The following AGBL3 variants were observed in gnomAD, a reference collection of about 807,000 sequenced individuals.
The protein encoded by AGBL3 is cytosolic carboxypeptidase 3.
AGBL3 carries 68 observed loss-of-function variants against 94.5 expected under a neutral mutation model. The ratio of observed to expected loss-of-function variants is 0.72; its 90% CI spans 0.59 to 0.88. The LOEUF (loss-of-function observed/expected upper bound fraction) is 0.88. AGBL3 is among the 40% of genes least tolerant of loss of function. The pLI, the probability that AGBL3 is intolerant of heterozygous loss-of-function variation, is 0.00. For missense variants in AGBL3, 934 were observed against 1,103.8 expected (o/e 0.85, Z 2.18); for synonymous variants, 354 against 370.7 (o/e 0.95, Z 0.52).
At chr7:135,041,859 G>A (rs1237278351) in intron 8 of AGBL3, among the ~76,000 whole-genome samples, 1 of 152,060 alleles carries the variant, frequency 6.6e-6, no homozygotes, top group African/African-American at 2.4e-5. Flanking sequence ...ATTAAAAATG[G>A]CAATAATCTT....
intron 5 of AGBL3, among the ~76,000 whole-genome samples, chr7:135,017,663 G>A (rs1813961553): frequency 6.6e-6 from 1 of 151,876 alleles, no homozygotes; most frequent in Admixed American, 6.6e-5. Flanking sequence ...CCAGCATAAG[G>A]AAGTATAGAC....
intron 16 of AGBL3, among the ~76,000 whole-genome samples, chr7:135,120,994 G>A (rs535349299): frequency 2.0e-5 from 3 of 152,152 alleles, no homozygotes; most frequent in Admixed American, 6.5e-5. Context: ...ACCTGAGGTC[G>A]GGAGTTTGAG....
intron 5 of AGBL3, among the ~76,000 whole-genome samples, chr7:135,030,735 A>G (rs888967067): frequency 2.0e-5 from 3 of 151,868 alleles, no homozygotes; most frequent in Non-Finnish European, 4.4e-5. Flanking sequence ...ACGTCCCCCC[A>G]TGTCACTGGA....
chr7:135,056,214 T>C (rs902199036), intron 11 of AGBL3, among the ~76,000 whole-genome samples: 2 of 152,116 alleles, frequency 1.3e-5, no homozygotes, highest in Admixed American at 6.5e-5. Context: ...AGCAGCATTG[T>C]GTTCATTGAT....
At position 134,994,980 on chromosome 7, in the gene AGBL3, C is replaced by T. The variant is rs915054280; in HGVS notation, c.310+1302C>T. ...CATCCCCACCTCTCCTCTGCTACCA[C>T]CCCCTCCAACCTCATTTTTCCTACA... is the stretch of plus-strand genomic sequence containing the variant. On this transcript the variant is annotated intron_variant, in intron 4 of 16. Coordinates refer to ENST00000436302, the MANE Select transcript of AGBL3 (RefSeq NM_178563.4). Among the ~76,000 whole-genome samples, 18 of 152,240 alleles carry T rather than the reference C, an allele frequency of 1.2e-4. No homozygotes were observed. The East Asian group carries it at 2.9e-3, about 25-fold the overall frequency.
chr7:135,017,034 T>G lies in AGBL3; in HGVS notation c.311-18T>G. 1 of 1,444,582 alleles carries G rather than the reference T, an allele frequency of 6.9e-7. No homozygotes were observed. The highest frequency in any genetic ancestry group is 9.5e-7 in the Non-Finnish European group (1 of 1,053,802). 89.5% of individuals were successfully genotyped at this position (1,444,582 alleles called of 1,614,324 possible). On this transcript the variant is annotated intron_variant, in intron 4 of 16. Coordinates refer to ENST00000436302, the MANE Select transcript of AGBL3 (RefSeq NM_178563.4). Reference sequence around the variant, plus strand: ...ATTTTGAAGTCATCTTCAAATAATGTTTCACTTTTTTTTCCAGATTGGACT... The same window carrying G: ...ATTTTGAAGTCATCTTCAAATAATGGTTCACTTTTTTTTCCAGATTGGACT...
At chr7:135,111,480 A>C (rs1825631375) in intron 15 of AGBL3, among the ~76,000 whole-genome samples, 1 of 152,232 alleles carries the variant, frequency 6.6e-6, no homozygotes, top group Admixed American at 6.5e-5. Flanking sequence ...ATTTCACAAT[A>C]GCTATTGTGC....
chr7:135,111,123 C>G (rs1410795885), intron 15 of AGBL3, among the ~76,000 whole-genome samples: 1 of 152,094 alleles, frequency 6.6e-6, no homozygotes, highest in African/African-American at 2.4e-5. Flanking sequence ...AAACAAAAAC[C>G]AGAGAGGCCA....
chr7:135,087,138 T>C (rs1427710793), intron 15 of AGBL3, among the ~76,000 whole-genome samples: 1 of 151,986 alleles, frequency 6.6e-6, no homozygotes, highest in African/African-American at 2.4e-5. Flanking sequence ...GGAGTACAGT[T>C]GTTTGTAATG....
chr7:135,105,949 C>T (rs10233546), intron 15 of AGBL3, among the ~76,000 whole-genome samples: 3,622 of 152,142 alleles, frequency 0.024, 149 homozygotes, highest in African/African-American at 0.081. Flanking sequence ...AGAGATCTTT[C>T]ACCTCCCTAG....
At chr7:134,996,262 TA>T (rs1810997814) in intron 4 of AGBL3, among the ~76,000 whole-genome samples, 5 of 152,256 alleles carry the variant, frequency 3.3e-5, no homozygotes, top group Non-Finnish European at 5.9e-5. Flanking sequence ...TGATGCATCT[TA>T]GCTTCAGAAA....
chr7:135,048,872 T>G (rs1440474906), intron 11 of AGBL3, among the ~76,000 whole-genome samples: 1 of 151,848 alleles, frequency 6.6e-6, no homozygotes, highest in Non-Finnish European at 1.5e-5. Context: ...TCATTCGTTC[T>G]CTTGCCTAAT....
chr7:135,056,822 T>G (rs1233270785), intron 11 of AGBL3, among the ~76,000 whole-genome samples: 1 of 152,138 alleles, frequency 6.6e-6, no homozygotes. Flanking sequence ...TGGCATGATT[T>G]TTGACTCAAT....
intron 16 of AGBL3, among the ~76,000 whole-genome samples, chr7:135,118,897 C>T (rs1360317689): frequency 6.6e-6 from 1 of 151,796 alleles, no homozygotes; most frequent in Non-Finnish European, 1.5e-5. Flanking sequence ...CTGAGCAGAA[C>T]AGTATAATTG....
chr7:135,039,773 A>C (rs1016012651), intron 8 of AGBL3, among the ~76,000 whole-genome samples: 3 of 151,890 alleles, frequency 2.0e-5, no homozygotes, highest in Non-Finnish European at 4.4e-5. Flanking sequence ...TAGTAATCTA[A>C]GTTTTCACAT....
chr7:135,133,314 T>C (rs1007299006), intron 16 of AGBL3, among the ~76,000 whole-genome samples: 1 of 152,244 alleles, frequency 6.6e-6, no homozygotes, highest in African/African-American at 2.4e-5. Context: ...AGATGTAGCA[T>C]GTTCATAAAT....
In AGBL3 at chr7:134,993,542, A is replaced by G. The variant is rs766413838; in HGVS notation, c.174A>G (p.Leu58=). Residue 58 remains leucine, a synonymous_variant, in exon 4 of 17, where the codon TTA becomes TTG. Transcript: ENST00000436302. ...TCCCCCGGACTACACAGATACTATT[A>G]GAATATCAGCTAGGGAGATGGGTGC... is the stretch of plus-strand genomic sequence containing the variant. ...PFFPRTTQIL[L]EYQLGRWVPR... 2 of 1,551,724 alleles carry G rather than the reference A, an allele frequency of 1.3e-6. No homozygotes were observed. The highest frequency in any genetic ancestry group is 1.2e-5 in the South Asian group (1 of 84,050).
chr7:135,013,296 T>C (rs137872317), intron 4 of AGBL3, among the ~76,000 whole-genome samples: 23 of 152,296 alleles, frequency 1.5e-4, no homozygotes, highest in African/African-American at 4.8e-4. Flanking sequence ...CTCTAATACA[T>C]TGTTGGTGGG....
intron 16 of AGBL3, chr7:135,128,495 T>C: frequency 1.3e-6 from 1 of 756,638 alleles, no homozygotes; most frequent in Middle Eastern, 2.5e-4. Context: ...CCAGTGAGTA[T>C]TTACGATGGA....
Sources: allele counts gnomAD v4.1 joint callset (sites outside exome capture counted in the v4.1 genomes callset), GRCh38; gene constraint gnomAD v4.1.1; transcripts MANE v1.5; gene names NCBI Gene and HGNC (gene_info 2026-07-23, HGNC 2026-07-21).